SDK1: variants seen among roughly 807,000 people sequenced by gnomAD.
SDK1 encodes the protein protein sidekick-1.
In SDK1, 157 loss-of-function variants were observed where a neutral mutation model predicts 245.5. The ratio of observed to expected loss-of-function variants is 0.64; its 90% CI spans 0.56 to 0.73. The LOEUF is 0.73. Among genes scored for constraint, SDK1 ranks in the 30% least tolerant of loss-of-function variants. The pLI, the probability that SDK1 is intolerant of heterozygous loss-of-function variation, is 0.00. For synonymous variants in SDK1, 1,647 were observed against 1,278.5 expected (o/e 1.29, Z -6.15); for missense variants, 3,583 against 3,002.3 (o/e 1.19, Z -4.52).
At chr7:3,794,675 C>G (rs575716960) in intron 4 of SDK1, among the ~76,000 whole-genome samples, 48 of 152,244 alleles carry the variant, frequency 3.2e-4, no homozygotes, top group Non-Finnish European at 5.9e-4. Flanking sequence ...AAGGCCCTCC[C>G]CAGATATAGT....
At chr7:3,707,253 C>T (rs1025228265) in intron 4 of SDK1, among the ~76,000 whole-genome samples, 5 of 152,184 alleles carry the variant, frequency 3.3e-5, no homozygotes, top group Non-Finnish European at 5.9e-5. Context: ...TAACTTGTGT[C>T]ACTGTTATTT....
intron 19 of SDK1, among the ~76,000 whole-genome samples, chr7:4,061,636 A>G (rs1428977868): frequency 6.6e-6 from 1 of 152,160 alleles, no homozygotes; most frequent in Admixed American, 6.6e-5. Context: ...TACTGGGTAT[A>G]TACCCAAATG....
intron 30 of SDK1, among the ~76,000 whole-genome samples, chr7:4,152,861 T>A (rs750270772): frequency 4.7e-4 from 71 of 152,186 alleles, no homozygotes; most frequent in Non-Finnish European, 9.4e-4. Context: ...CCAGGGAATA[T>A]GGGTCGAGAC....
chr7:4,246,420 A>G (rs1786865807), intron 44 of SDK1, among the ~76,000 whole-genome samples: 1 of 151,966 alleles, frequency 6.6e-6, no homozygotes, highest in Non-Finnish European at 1.5e-5. Flanking sequence ...TTCTCTCTCC[A>G]TTTCACTTTC....
chr7:4,162,957 G>T (rs999076965), intron 32 of SDK1, among the ~76,000 whole-genome samples: 11 of 152,222 alleles, frequency 7.2e-5, no homozygotes, highest in Non-Finnish European at 1.5e-4. Context: ...GAGTGGGGCG[G>T]GGAGCTGTGC....
rs202014799 is a variant in SDK1, at chr7:4,237,636, C to G, written c.5993-11C>G. On this transcript the variant is annotated splice_polypyrimidine_tract_variant and intron_variant, in intron 41 of 44. Coordinates refer to ENST00000404826, the MANE Select transcript of SDK1 (RefSeq NM_152744.4). ...GCCCCATGTCATTGTGTGTCCGTGT[C>G]TTTTCCACAGCTCAAGTGGAAGCCC... 5.1e-4 allele frequency: 819 copies of G among 1,614,032 alleles called. 3 individuals are homozygous for G. Among genetic ancestry groups the G allele is most frequent in the Non-Finnish European group, 6.5e-4 (767 of 1,180,008 alleles).
At chr7:4,089,453 C>A (rs1781650931) in intron 22 of SDK1, among the ~76,000 whole-genome samples, 1 of 152,232 alleles carries the variant, frequency 6.6e-6, no homozygotes, top group Non-Finnish European at 1.5e-5. Flanking sequence ...AAGATGTGCT[C>A]AGGCAGCCTG....
intron 1 of SDK1, among the ~76,000 whole-genome samples, chr7:3,536,116 G>A (rs1216443494): frequency 2.0e-5 from 3 of 151,610 alleles, no homozygotes; most frequent in African/African-American, 7.3e-5. Flanking sequence ...GAGTGCAGTG[G>A]TGCGATCTCG....
chr7:3,474,363 G>T (rs1183243940), intron 1 of SDK1, among the ~76,000 whole-genome samples: 3 of 151,836 alleles, frequency 2.0e-5, no homozygotes, highest in African/African-American at 7.3e-5. Flanking sequence ...CAAAGTGCTG[G>T]GATTACAGGT....
intron 1 of SDK1, among the ~76,000 whole-genome samples, chr7:3,477,336 C>T (rs1414421128): frequency 1.3e-5 from 2 of 150,996 alleles, no homozygotes; most frequent in Non-Finnish European, 3.0e-5. Context: ...GCTGGGATTA[C>T]AGGCGTGCGC....
intron 1 of SDK1, among the ~76,000 whole-genome samples, chr7:3,507,557 G>C (rs1365831124): frequency 6.6e-6 from 1 of 152,182 alleles, no homozygotes; most frequent in African/African-American, 2.4e-5. Flanking sequence ...CACAGTGGCT[G>C]ACAGTCCCCT....
At chr7:4,176,165 C>CTT (rs1156364111) in intron 34 of SDK1, among the ~76,000 whole-genome samples, 1 of 138,474 alleles carries the variant, frequency 7.2e-6, no homozygotes, top group African/African-American at 2.7e-5. Context: ...CTTTTCTTTA[C>CTT]TTTTTTTTTT....
chr7:3,497,104 G>A (rs752112680), intron 1 of SDK1, among the ~76,000 whole-genome samples: 1 of 152,124 alleles, frequency 6.6e-6, no homozygotes, highest in Non-Finnish European at 1.5e-5. Flanking sequence ...TAACAGACAA[G>A]ACAGTGCTTA....
chr7:3,661,302 T>G (rs963339040), intron 4 of SDK1, among the ~76,000 whole-genome samples: 5 of 152,366 alleles, frequency 3.3e-5, no homozygotes, highest in African/African-American at 9.6e-5. Flanking sequence ...TTAACATTGC[T>G]GGATTAAATT....
At chr7:4,130,828 C>A (rs927515325) in intron 27 of SDK1, among the ~76,000 whole-genome samples, 2 of 152,140 alleles carry the variant, frequency 1.3e-5, no homozygotes, top group East Asian at 1.9e-4. Flanking sequence ...GGATCTCTCC[C>A]GCCACAACAC....
At position 4,252,396 on chromosome 7, in the gene SDK1, T is replaced by C. The variant is rs565090797; in HGVS notation, c.6381+6591T>C. ...TACAAAGGACATGAATTCATCATTTTTTATGGCTGCATAGTATTCCATGGT... is the reference window on the plus strand; with the variant it reads ...TACAAAGGACATGAATTCATCATTTCTTATGGCTGCATAGTATTCCATGGT... On this transcript the variant is annotated intron_variant, in intron 44 of 44. Coordinates refer to ENST00000404826, the MANE Select transcript of SDK1 (RefSeq NM_152744.4). Among the ~76,000 whole-genome samples, 18 of 152,336 alleles carry C rather than the reference T, an allele frequency of 1.2e-4. No individual in the cohort carries two copies. In the South Asian group the frequency reaches 3.7e-3, roughly 32 times the overall value.
chr7:4,103,631 G>T (rs1315024149), intron 22 of SDK1, among the ~76,000 whole-genome samples: 2 of 152,156 alleles, frequency 1.3e-5, no homozygotes, highest in Non-Finnish European at 2.9e-5. Context: ...TAAATCATTC[G>T]CATGTTCATT....
intron 1 of SDK1, among the ~76,000 whole-genome samples, chr7:3,373,458 A>G (rs527603989): frequency 6.6e-6 from 1 of 152,330 alleles, no homozygotes; most frequent in Non-Finnish European, 1.5e-5. Context: ...AAAACTTAAC[A>G]TCTATCCCTT....
chr7:3,810,261 C>T (rs1779353150), intron 4 of SDK1, among the ~76,000 whole-genome samples: 1 of 152,156 alleles, frequency 6.6e-6, no homozygotes, highest in Non-Finnish European at 1.5e-5. Flanking sequence ...GGATTTTACA[C>T]TCTTGGGAAG....
Sources: allele counts gnomAD v4.1 joint callset (sites outside exome capture counted in the v4.1 genomes callset), GRCh38; gene constraint gnomAD v4.1.1; transcripts MANE v1.5; gene names NCBI Gene and HGNC (gene_info 2026-07-23, HGNC 2026-07-21).